The following PHLPP1 variants were observed in gnomAD, a reference collection of about 807,000 sequenced individuals.
PHLPP1 encodes the protein PH domain leucine-rich repeat-containing protein phosphatase 1.
In PHLPP1, 42 loss-of-function variants were observed where a neutral mutation model predicts 117.2. That is an observed-to-expected ratio of 0.36 (90% CI 0.28 to 0.46). The LOEUF is 0.46. Ranked by LOEUF, PHLPP1 falls within the 20% of genes least tolerant of loss-of-function variation. The probability of loss-of-function intolerance (pLI) is 1.00; values close to 1 mark genes in which losing one functional copy is unlikely to be tolerated. For synonymous variants in PHLPP1, 1,042 were observed against 970.7 expected, an observed-to-expected ratio of 1.07 and a Z score of -1.37; for missense variants, 2,084 against 2,241.9, an observed-to-expected ratio of 0.93 and a Z score of 1.42.
At chr18:62,874,498 G>A (rs904321027) in intron 4 of PHLPP1, among the ~76,000 whole-genome samples, 1 of 152,090 alleles carries the variant, frequency 6.6e-6, no homozygotes. Flanking sequence ...GACAGAGCAA[G>A]ACTCCATCTC....
intron 1 of PHLPP1, among the ~76,000 whole-genome samples, chr18:62,805,140 T>C (rs1347900712): frequency 7.0e-6 from 1 of 142,104 alleles, no homozygotes; most frequent in Non-Finnish European, 1.5e-5. Flanking sequence ...AGGTTATACA[T>C]ATACAGTATA....
chr18:62,827,416 G>A (rs562479284), intron 1 of PHLPP1, among the ~76,000 whole-genome samples: 9 of 152,312 alleles, frequency 5.9e-5, no homozygotes, highest in Admixed American at 1.3e-4. Flanking sequence ...TTGAGAATTG[G>A]CAGGAAGAGC....
At chr18:62,963,041 T>G (rs1216633397) in intron 13 of PHLPP1, among the ~76,000 whole-genome samples, 1 of 152,206 alleles carries the variant, frequency 6.6e-6, no homozygotes, top group Non-Finnish European at 1.5e-5. Flanking sequence ...TACTTAAGTT[T>G]TGTTTTCTCA....
intron 4 of PHLPP1, among the ~76,000 whole-genome samples, chr18:62,873,939 C>G (rs914474538): frequency 6.6e-6 from 1 of 152,140 alleles, no homozygotes; most frequent in Non-Finnish European, 1.5e-5. Context: ...AATCCCAGCA[C>G]TTTGGGGGGC....
intron 10 of PHLPP1, among the ~76,000 whole-genome samples, chr18:62,931,767 T>C (rs1330662429): frequency 6.6e-6 from 1 of 150,510 alleles, no homozygotes; most frequent in East Asian, 2.0e-4. Flanking sequence ...TGGTGGCACA[T>C]GTCTATAATC....
At chr18:62,925,839 T>TCTTA (rs1185483699) in intron 10 of PHLPP1, among the ~76,000 whole-genome samples, 1 of 152,202 alleles carries the variant, frequency 6.6e-6, no homozygotes, top group African/African-American at 2.4e-5. Context: ...ATCTCAGGTC[T>TCTTA]TCTCCCTTCG....
intron 4 of PHLPP1, among the ~76,000 whole-genome samples, chr18:62,889,011 G>A (rs913554877): frequency 1.3e-5 from 2 of 152,144 alleles, no homozygotes; most frequent in African/African-American, 4.8e-5. Flanking sequence ...ACAGTATTTG[G>A]ATCTGCAAAT....
At chr18:62,730,234 G>C (rs1033787379) in intron 1 of PHLPP1, among the ~76,000 whole-genome samples, 1 of 152,188 alleles carries the variant, frequency 6.6e-6, no homozygotes, top group Non-Finnish European at 1.5e-5. Context: ...TTGAGTTCTG[G>C]CTGTGCCACT....
At chr18:62,763,542 C>G (rs1343007600) in intron 1 of PHLPP1, among the ~76,000 whole-genome samples, 1 of 152,162 alleles carries the variant, frequency 6.6e-6, no homozygotes, top group Non-Finnish European at 1.5e-5. Flanking sequence ...TCATCGCACC[C>G]TTGTTTTGGG....
At chr18:62,784,909 GA>G (rs955236570) in intron 1 of PHLPP1, among the ~76,000 whole-genome samples, 6 of 152,032 alleles carry the variant, frequency 3.9e-5, no homozygotes, top group African/African-American at 7.2e-5. Flanking sequence ...GATATTTGTG[GA>G]AAAAAAGATT....
Position 62,905,203 on chromosome 18 carries a change from GGT to G in PHLPP1, c.2648-20_2648-19del. On this transcript the variant is annotated intron_variant, in intron 7 of 16. Transcript: ENST00000262719. ...CATTTGTATAGTAATGTCTTTGTGG[GGT>G]TTTTTTTTTTCTTCCTAGAACTTGT... The G allele has an allele frequency of 6.9e-7, 1 of 1,444,558 alleles. No individual in the cohort carries two copies. The highest frequency in any genetic ancestry group is 9.2e-7 in the Non-Finnish European group (1 of 1,084,548). The allele number at this position is 1,444,558 out of a possible 1,614,324, so 89.5% of individuals were successfully genotyped here. A position where few individuals can be genotyped will look rare whatever the true frequency, so the allele number is the denominator to read the frequency against.
intron 1 of PHLPP1, among the ~76,000 whole-genome samples, chr18:62,769,660 A>T (rs1912685930): frequency 6.6e-6 from 1 of 152,242 alleles, no homozygotes; most frequent in Non-Finnish European, 1.5e-5. Flanking sequence ...AATAATGTAC[A>T]GAACAATAAA....
intron 2 of PHLPP1, among the ~76,000 whole-genome samples, chr18:62,836,632 ATT>A (rs1435705078): frequency 6.7e-6 from 1 of 149,460 alleles, no homozygotes; most frequent in Non-Finnish European, 1.5e-5. Context: ...GTTTTCCTTC[ATT>A]TTTTTGTTTG....
intron 1 of PHLPP1, among the ~76,000 whole-genome samples, chr18:62,764,077 C>T (rs1341116983): frequency 1.3e-5 from 2 of 148,680 alleles, no homozygotes; most frequent in Non-Finnish European, 3.0e-5. Flanking sequence ...GGAGAAGAAT[C>T]GCTTGAACCC....
chr18:62,963,582 T>G (rs1204939335), intron 14 of PHLPP1, 110 bp downstream of exon 14: 2 of 701,632 alleles, frequency 2.9e-6, no homozygotes, highest in Non-Finnish European at 4.8e-6. Context: ...ATGTAAAATT[T>G]CTTTGAGTAT....
chr18:62,745,985 G>A (rs1248107183), intron 1 of PHLPP1, among the ~76,000 whole-genome samples: 2 of 152,150 alleles, frequency 1.3e-5, no homozygotes, highest in Non-Finnish European at 2.9e-5. Flanking sequence ...GCTCCCAAGG[G>A]GAATACTCAA....
Position 62,978,183 on chromosome 18 carries a change from G to A in PHLPP1, c.3985-79G>A. The A allele has an allele frequency of 5.1e-6, 4 of 781,366 alleles. No homozygotes were observed. Among genetic ancestry groups the A allele is most frequent in the Admixed American group, 2.5e-5 (1 of 40,696 alleles). 48.4% of individuals were successfully genotyped at this position (781,366 alleles called of 1,614,324 possible). A position where few individuals can be genotyped will look rare whatever the true frequency, so the allele number is the denominator to read the frequency against. ...CTGTGGTCCTACAGTCGAGACAGTC[G>A]AGGGACCCGCAGGGAACCTGCACAG... On this transcript the variant is annotated intron_variant, in intron 16 of 16. Coordinates refer to ENST00000262719, the MANE Select transcript of PHLPP1 (RefSeq NM_194449.4). The surrounding 1 kb of genome is among the most constrained non-coding windows in gnomAD (Gnocchi z 7.0).
chr18:62,862,424 G>A (rs2144363635), intron 4 of PHLPP1, among the ~76,000 whole-genome samples: 2 of 152,146 alleles, frequency 1.3e-5, no homozygotes, highest in African/African-American at 4.8e-5. Flanking sequence ...TAAGTATTGG[G>A]ATGTTGTTAA....
chr18:62,921,110 T>TA (rs2144426932), intron 10 of PHLPP1, among the ~76,000 whole-genome samples: 1 of 152,310 alleles, frequency 6.6e-6, no homozygotes, highest in Admixed American at 6.5e-5. Context: ...GCTGTTAACT[T>TA]ACTTTGGAGC....
Sources: allele counts gnomAD v4.1 joint callset (sites outside exome capture counted in the v4.1 genomes callset), GRCh38; gene constraint gnomAD v4.1.1; non-coding constraint Gnocchi (gnomAD v3.1); transcripts MANE v1.5; gene names NCBI Gene and HGNC (gene_info 2026-07-23, HGNC 2026-07-21).